The following CYP20A1 variants were observed in gnomAD, a reference collection of about 807,000 sequenced individuals.
The protein encoded by CYP20A1 is cytochrome P450 20A1.
In CYP20A1, 61 loss-of-function variants were observed where a neutral mutation model predicts 61.4. The ratio of observed to expected loss-of-function variants is 0.99; its 90% CI spans 0.81 to 1.23. The LOEUF is 1.23. CYP20A1 is among the 50% of genes most tolerant of loss of function. CYP20A1 has a pLI of 0.00. For synonymous variants in CYP20A1, 193 were observed against 188.2 expected (o/e 1.03, Z -0.21); for missense variants, 530 against 542.4 (o/e 0.98, Z 0.23).
Position 203,296,491 on chromosome 2 carries a change from T to C in CYP20A1, c.1166T>C (p.Phe389Ser), listed in dbSNP as rs1287550740. 1 of 1,611,926 alleles carries C rather than the reference T, an allele frequency of 6.2e-7. No homozygotes were observed. Among genetic ancestry groups the C allele is most frequent in the East Asian group, 2.2e-5 (1 of 44,768 alleles). ...CTTTGTAGGTTTGATCCAGATCGGT[T>C]TGATGATGAATTAGTAATGAAAACT... ...PSPHKFDPDR[F>S]DDELVMKTFS... The change falls in exon 12 of 13, where the codon TTT becomes TCT. Residue 389 changes from phenylalanine (F) to serine (S), a missense_variant. Phe to Ser is a radical substitution (Grantham distance 155). Transcript: ENST00000356079.
chr2:203,266,708 A>G lies in CYP20A1; in HGVS notation c.600+27A>G, dbSNP rs201378026. ...TAAGTCTGGGGCTAAATTTAAAATT[A>G]CTCTTTCAGGCTGGGCACGGCAGCT... On this transcript the variant is annotated intron_variant, in intron 5 of 12. Transcript: ENST00000356079. 1.6e-5 allele frequency: 25 copies of G among 1,605,252 alleles called. No homozygotes were observed. The East Asian group carries it at 5.4e-4, about 34-fold the overall frequency.
chr2:203,264,961 C>T (rs1437514089), intron 4 of CYP20A1, among the ~76,000 whole-genome samples: 1 of 151,700 alleles, frequency 6.6e-6, no homozygotes, highest in Non-Finnish European at 1.5e-5. Flanking sequence ...GATCTCCTGA[C>T]CTTGTGATCT....
rs1278040677 is a variant in CYP20A1 at position 203,304,805 on chromosome 2, G to A, written c.*7897G>A. Among the ~76,000 whole-genome samples, 1 of 151,944 alleles carries A rather than the reference G, an allele frequency of 6.6e-6. No individual in the cohort carries two copies. Among genetic ancestry groups the A allele is most frequent in the African/African-American group, 2.4e-5 (1 of 41,348 alleles). Reference sequence around the variant, plus strand: ...ACAAAAATTAGCCAGGTGTGCTGGCGCACACCTGTAGTCCCAACTACTCAG... The same window carrying A: ...ACAAAAATTAGCCAGGTGTGCTGGCACACACCTGTAGTCCCAACTACTCAG... On this transcript the variant is annotated 3_prime_UTR_variant, in exon 13 of 13. Transcript: ENST00000356079.
intron 11 of CYP20A1, 52 bp downstream of exon 11, chr2:203,292,378 G>A (rs531397518): frequency 2.7e-5 from 36 of 1,342,676 alleles, no homozygotes; most frequent in Non-Finnish European, 3.6e-5. Context: ...GTGTTTGCAC[G>A]TTTTGCATTC....
At chr2:203,295,196 C>T (rs983152604) in intron 11 of CYP20A1, among the ~76,000 whole-genome samples, 5 of 151,598 alleles carry the variant, frequency 3.3e-5, no homozygotes, top group Admixed American at 1.3e-4. Flanking sequence ...CCGCCTGCCT[C>T]GGCCTCCCAA....
chr2:203,285,039 C>T (rs552244246), intron 8 of CYP20A1, among the ~76,000 whole-genome samples: 22 of 152,136 alleles, frequency 1.4e-4, no homozygotes, highest in African/African-American at 4.6e-4. Context: ...GATCCCCTCC[C>T]GAAGTGCTGG....
At chr2:203,241,878 G>A (rs1040559253) in intron 1 of CYP20A1, among the ~76,000 whole-genome samples, 3 of 152,076 alleles carry the variant, frequency 2.0e-5, no homozygotes, top group Non-Finnish European at 2.9e-5. Flanking sequence ...GTCTCGCTCT[G>A]TCGCCCAGGC....
chr2:203,271,745 A>G (rs1436911102), intron 5 of CYP20A1, among the ~76,000 whole-genome samples: 2 of 152,214 alleles, frequency 1.3e-5, no homozygotes, highest in African/African-American at 4.8e-5. Flanking sequence ...AGTATAATAC[A>G]AAAATGAGGG....
chr2:203,280,680 A>G (rs2068006903), intron 8 of CYP20A1, among the ~76,000 whole-genome samples: 1 of 152,244 alleles, frequency 6.6e-6, no homozygotes, highest in South Asian at 2.1e-4. Context: ...CAGCCTGGGC[A>G]ACAGAGCAAG....
rs1045283312 is a variant in CYP20A1 at position 203,302,998 on chromosome 2, T to TTTTA, written c.*6106_*6109dup. On this transcript the variant is annotated 3_prime_UTR_variant, in exon 13 of 13. Transcript: ENST00000356079. The stretch of plus-strand genomic sequence containing the variant: ...GAGCCACCGCGCTCGGTCCCTTTCT[T>TTTTA]TTTATTTATTTATTTATTTTGAGAT... Among the ~76,000 whole-genome samples the TTTTA allele has an allele frequency of 6.6e-5, 10 of 151,176 alleles. No individual in the cohort carries two copies. The highest frequency in any genetic ancestry group is 1.3e-4 in the Admixed American group (2 of 15,108).
At chr2:203,248,992 T>TGA (rs1303247733) in intron 3 of CYP20A1, among the ~76,000 whole-genome samples, 1 of 152,192 alleles carries the variant, frequency 6.6e-6, no homozygotes, top group East Asian at 1.9e-4. Context: ...ATTATAGGTG[T>TGA]GAGCCACTTC....
intron 10 of CYP20A1, 86 bp downstream of exon 10, chr2:203,289,962 C>T (rs1319183773): frequency 1.1e-5 from 6 of 549,244 alleles, no homozygotes; most frequent in Middle Eastern, 4.2e-4. Context: ...ATATTTTAGA[C>T]AGAGGTTTGC....
chr2:203,260,138 G>T (rs1322298018), intron 4 of CYP20A1, among the ~76,000 whole-genome samples: 1 of 151,998 alleles, frequency 6.6e-6, no homozygotes, highest in Non-Finnish European at 1.5e-5. Flanking sequence ...TGTTGGTCAG[G>T]CTGGTCTTGA....
intron 7 of CYP20A1, among the ~76,000 whole-genome samples, chr2:203,279,458 T>C (rs534282471): frequency 6.6e-6 from 1 of 152,348 alleles, no homozygotes; most frequent in Admixed American, 6.5e-5. Flanking sequence ...GGTGTGGCAG[T>C]GTGGCTTGTT....
intron 6 of CYP20A1, among the ~76,000 whole-genome samples, chr2:203,276,530 G>A (rs998686321): frequency 9.9e-5 from 15 of 152,068 alleles, no homozygotes; most frequent in Non-Finnish European, 4.4e-5. Context: ...AAAAAAAGGA[G>A]GAAGAAAATA....
rs183591104 is a variant in CYP20A1 at position 203,262,574 on chromosome 2, G to A, written c.433-3940G>A. Among the ~76,000 whole-genome samples the A allele has an allele frequency of 3.3e-5, 5 of 151,798 alleles. No homozygotes were observed. In the East Asian group the frequency reaches 5.8e-4, roughly 18 times the overall value. The stretch of plus-strand genomic sequence containing the variant: ...TGCTATTCTTTTTCTAGTTTCTTGA[G>A]ATGATTGCTTAGATCGTTAATAAAC... On this transcript the variant is annotated intron_variant, in intron 4 of 12. Transcript: ENST00000356079.
At chr2:203,268,678 G>A (rs2152077763) in intron 5 of CYP20A1, among the ~76,000 whole-genome samples, 1 of 147,796 alleles carries the variant, frequency 6.8e-6, no homozygotes, top group South Asian at 2.1e-4. Context: ...TTTTTTATTT[G>A]TATAAATTTA....
chr2:203,264,749 A>G (rs1012622086), intron 4 of CYP20A1, among the ~76,000 whole-genome samples: 15 of 151,868 alleles, frequency 9.9e-5, no homozygotes, highest in Non-Finnish European at 1.8e-4. Context: ...TTCGTTTTTT[A>G]GACGGAGTCT....
At chr2:203,275,588 T>TG (rs1447857487) in intron 6 of CYP20A1, among the ~76,000 whole-genome samples, 2 of 152,060 alleles carry the variant, frequency 1.3e-5, no homozygotes, top group Non-Finnish European at 2.9e-5. Context: ...TACAGACGCC[T>TG]GCCGCCGTGC....
Sources: gnomAD v4.1 joint callset for allele counts (sites outside exome capture counted in the v4.1 genomes callset) on GRCh38, gnomAD v4.1.1 for gene constraint, MANE v1.5 for transcripts, NCBI Gene and HGNC (gene_info 2026-07-23, HGNC 2026-07-21) for gene names.